PDCD6: variants seen among roughly 807,000 people sequenced by gnomAD.
PDCD6 encodes the protein programmed cell death 6, also known as programmed cell death protein 6.
PDCD6 carries 12 observed loss-of-function variants against 28.3 expected under a neutral mutation model. The ratio of observed to expected loss-of-function variants is 0.42; its 90% CI spans 0.27 to 0.69. The LOEUF (loss-of-function observed/expected upper bound fraction) is 0.69, where lower values mean the gene tolerates loss of function less well. Among genes scored for constraint, PDCD6 ranks in the 30% least tolerant of loss-of-function variants. The pLI is 0.22. For synonymous variants in PDCD6, 92 were observed against 108.0 expected (o/e 0.85, Z 0.92); for missense variants, 226 against 269.9 (o/e 0.84, Z 1.14).
chr5:291,937 A>G (rs1739339130), intron 2 of PDCD6, among the ~76,000 whole-genome samples: 1 of 152,228 alleles, frequency 6.6e-6, no homozygotes, highest in Non-Finnish European at 1.5e-5. Context: ...ATCCCAGGTA[A>G]GAAATGTAAC....
In PDCD6 at chr5:272,692, G is replaced by A. The variant is rs547815467; in HGVS notation, c.102-19G>A. The A allele has an allele frequency of 7.1e-5, 111 of 1,559,900 alleles. 1 individual carries two copies. In the East Asian group the frequency reaches 2.5e-3, roughly 35 times the overall value. ...TGAACTTTCGATCGCCAGCTTATTT[G>A]GTCTTCTTGATGTTATAGGGTCGAT... On this transcript the variant is annotated intron_variant, in intron 1 of 5. Coordinates refer to ENST00000264933, the MANE Select transcript of PDCD6 (RefSeq NM_013232.4).
At chr5:272,181 T>G (rs957559217) in intron 1 of PDCD6, among the ~76,000 whole-genome samples, 7 of 149,344 alleles carry the variant, frequency 4.7e-5, no homozygotes, top group Non-Finnish European at 1.0e-4. Flanking sequence ...GCTAGGCCCT[T>G]TTTCTCGCCT....
chr5:290,430 G>T (rs1168010493), intron 2 of PDCD6: 11 of 658,732 alleles, frequency 1.7e-5, no homozygotes, highest in Non-Finnish European at 2.4e-5. Context: ...ACACACTCCC[G>T]CATGCAGGCC....
At chr5:297,950 C>G (rs1262074957) in intron 2 of PDCD6, among the ~76,000 whole-genome samples, 1 of 152,168 alleles carries the variant, frequency 6.6e-6, no homozygotes, top group Non-Finnish European at 1.5e-5. Flanking sequence ...AAAGAGATCT[C>G]AAGCACAGGT....
intron 1 of PDCD6, among the ~76,000 whole-genome samples, chr5:272,112 C>G (rs1737858789): frequency 1.3e-5 from 2 of 151,380 alleles, no homozygotes; most frequent in Non-Finnish European, 2.9e-5. Flanking sequence ...TGCGTCGGGC[C>G]CTTCCCAAGA....
At chr5:306,492 G>A (rs1740494055) in intron 3 of PDCD6, 110 bp from the exon 4 acceptor site, 3 of 961,554 alleles carry the variant, frequency 3.1e-6, no homozygotes, top group Non-Finnish European at 4.9e-6. Flanking sequence ...CCTGGTTAGT[G>A]GTCAGCAGTG....
intron 1 of PDCD6, among the ~76,000 whole-genome samples, chr5:272,173 T>C (rs1357281408): frequency 6.0e-5 from 9 of 150,032 alleles, no homozygotes; most frequent in South Asian, 2.1e-4. Context: ...GCTCCTGGGC[T>C]AGGCCCTTTT....
At position 276,464 on chromosome 5, in the gene PDCD6, T is replaced by C. The variant is rs532619786; in HGVS notation, c.163+3692T>C. The C allele has an allele frequency of 1.1e-4, 112 of 986,094 alleles. No homozygotes were observed. In the African/African-American group the frequency reaches 1.9e-3, roughly 17 times the overall value. The allele number at this position is 986,094 out of a possible 1,614,324, so 61.1% of individuals were successfully genotyped here. A position where few individuals can be genotyped will look rare whatever the true frequency, so the allele number is the denominator to read the frequency against. On this transcript the variant is annotated intron_variant, in intron 2 of 5. Transcript: ENST00000264933. ...CTCTTCCTTCTTCTCTCTGAATTTC[T>C]TTATTTTAAGAAAAAAATTAGAGAT...
At chr5:300,135 C>G (rs2126746455) in intron 2 of PDCD6, among the ~76,000 whole-genome samples, 1 of 152,322 alleles carries the variant, frequency 6.6e-6, no homozygotes, top group East Asian at 1.9e-4. Flanking sequence ...CCTTGGCTGG[C>G]TCCTGGGAGC....
chr5:277,240 C>T (rs1176425276), intron 2 of PDCD6, among the ~76,000 whole-genome samples: 1 of 151,940 alleles, frequency 6.6e-6, no homozygotes, highest in Non-Finnish European at 1.5e-5. Flanking sequence ...ATTCTCCTGC[C>T]TCAGCCTCCT....
rs964896167 is a variant in PDCD6 at position 307,539 on chromosome 5, T to G, written c.367+779T>G. Among the ~76,000 whole-genome samples, 1 of 152,176 alleles carries G rather than the reference T, an allele frequency of 6.6e-6. No individual in the cohort carries two copies. Among genetic ancestry groups the G allele is most frequent in the Non-Finnish European group, 1.5e-5 (1 of 68,032 alleles). ...CGTCCATAGGGCCTGTCCACGGGGC[T>G]TCCCGTGCTGCTCTCAGGGCTGAGA... On this transcript the variant is annotated intron_variant, in intron 4 of 5. Transcript: ENST00000264933. The surrounding 1 kb of genome is among the most constrained non-coding windows in gnomAD (Gnocchi z 6.1).
chr5:288,560 TAAAAA>T (rs201696884), intron 2 of PDCD6, among the ~76,000 whole-genome samples: 1 of 143,102 alleles, frequency 7.0e-6, no homozygotes, highest in Non-Finnish European at 1.5e-5. Context: ...AATCCTAAAT[TAAAAA>T]AAAAAAATCT....
chr5:301,587 GTGC>G (rs1416337090), intron 2 of PDCD6, among the ~76,000 whole-genome samples: 9 of 152,350 alleles, frequency 5.9e-5, no homozygotes, highest in African/African-American at 1.7e-4. Flanking sequence ...TGCTCGTCGA[GTGC>G]TGCTGTGTGT....
At chr5:304,509 A>C (rs1740342004) in intron 3 of PDCD6, 1 of 171,078 alleles carries the variant, frequency 5.8e-6, no homozygotes. Context: ...CTAAATTATT[A>C]GTTACTTTCA....
At chr5:302,191 CTG>C (rs70955230) in intron 2 of PDCD6, among the ~76,000 whole-genome samples, 38,725 of 87,498 alleles carry the variant, frequency 0.44, 10,378 homozygotes, top group Non-Finnish European at 0.59. Context: ...TGGAGTGCTG[CTG>C]TGTGTGTGTG....
intron 2 of PDCD6, among the ~76,000 whole-genome samples, chr5:283,138 T>C (rs1440585362): frequency 6.6e-6 from 1 of 151,668 alleles, no homozygotes; most frequent in East Asian, 1.9e-4. Context: ...GAGGAGCTGA[T>C]GTTCTAGATT....
chr5:285,243 G>A (rs781562954), intron 2 of PDCD6, among the ~76,000 whole-genome samples: 5 of 151,620 alleles, frequency 3.3e-5, no homozygotes, highest in Non-Finnish European at 7.4e-5. Context: ...TCAGGAGGAA[G>A]CTGATGTTCC....
chr5:289,844 T>C (rs1739209984), intron 2 of PDCD6: 7 of 1,476,194 alleles, frequency 4.7e-6, no homozygotes, highest in Middle Eastern at 2.4e-4. Flanking sequence ...TCAGGATAGC[T>C]TGGTGAATTT....
At chr5:281,609 C>G (rs1738566323) in intron 2 of PDCD6, among the ~76,000 whole-genome samples, 1 of 151,834 alleles carries the variant, frequency 6.6e-6, no homozygotes, top group South Asian at 2.1e-4. Context: ...AGCTGGAGAC[C>G]AGGGAGGAAC....
Sources: allele counts gnomAD v4.1 joint callset (sites outside exome capture counted in the v4.1 genomes callset), GRCh38; gene constraint gnomAD v4.1.1; non-coding constraint Gnocchi (gnomAD v3.1); transcripts MANE v1.5; gene names NCBI Gene and HGNC (gene_info 2026-07-23, HGNC 2026-07-21).